The following POLA1 variants were observed in gnomAD, a reference collection of about 807,000 sequenced individuals.
POLA1 encodes DNA polymerase alpha 1, catalytic subunit.
A neutral mutation model predicts 124.0 loss-of-function variants in POLA1; 15 were observed. The observed-to-expected ratio is 0.12, with a 90% confidence interval of 0.08 to 0.19. The LOEUF (loss-of-function observed/expected upper bound fraction) is 0.19. Ranked by LOEUF, POLA1 falls within the 10% of genes least tolerant of loss-of-function variation. POLA1 has a pLI of 1.00. For synonymous variants in POLA1, 408 were observed against 389.4 expected (o/e 1.05, Z -0.56); for missense variants, 886 against 1,103.4 (o/e 0.80, Z 2.79).
At chrX:24,954,148 C>A (rs2048079083) in intron 36 of POLA1, among the ~76,000 whole-genome samples, 1 of 112,532 alleles carries the variant, frequency 8.9e-6, no homozygotes, top group African/African-American at 3.2e-5. Context: ...TCTCTTGGTA[C>A]ATTTGAAATA....
At chrX:24,809,607 G>C (rs1430717466) in intron 26 of POLA1, among the ~76,000 whole-genome samples, 5 of 111,592 alleles carry the variant, frequency 4.5e-5, no homozygotes, top group Non-Finnish European at 9.4e-5. Flanking sequence ...TTAAGTATTA[G>C]TAATGAGAAT....
chrX:24,988,588 T>C (rs1057131232), intron 36 of POLA1, among the ~76,000 whole-genome samples: 3 of 112,722 alleles, frequency 2.7e-5, no homozygotes, highest in African/African-American at 9.7e-5. Flanking sequence ...GGATATTGCA[T>C]GTCACCACAT....
intron 26 of POLA1, among the ~76,000 whole-genome samples, chrX:24,806,209 G>A (rs1283813757): frequency 9.6e-6 from 1 of 104,691 alleles, no homozygotes; most frequent in Non-Finnish European, 2.0e-5. Context: ...TTCCTCATTT[G>A]TCAGTTGGGA....
chrX:24,728,815 A>G (rs1395691952), intron 15 of POLA1, among the ~76,000 whole-genome samples: 1 of 111,954 alleles, frequency 8.9e-6, no homozygotes, highest in African/African-American at 3.2e-5. Flanking sequence ...AGCAGAATTG[A>G]GTAGTAACGG....
intron 26 of POLA1, among the ~76,000 whole-genome samples, chrX:24,793,450 G>C (rs1010017851): frequency 1.8e-5 from 2 of 111,241 alleles, no homozygotes; most frequent in African/African-American, 6.5e-5. Flanking sequence ...GCAGGAAAGA[G>C]ATGACATTGG....
intron 15 of POLA1, among the ~76,000 whole-genome samples, chrX:24,731,031 C>T (rs1479734808): frequency 8.9e-6 from 1 of 112,001 alleles, no homozygotes; most frequent in Non-Finnish European, 1.9e-5. Context: ...AATAATGGAT[C>T]TAGGAAGTGA....
chrX:24,877,016 C>A (rs1350758402), intron 34 of POLA1, among the ~76,000 whole-genome samples: 4 of 111,705 alleles, frequency 3.6e-5, no homozygotes, highest in Non-Finnish European at 7.5e-5. Context: ...TGCGAGTCGC[C>A]CTTGGTAACT....
chrX:24,995,128 C>T (rs1261238503), intron 36 of POLA1, among the ~76,000 whole-genome samples: 1 of 110,821 alleles, frequency 9.0e-6, no homozygotes, highest in Non-Finnish European at 1.9e-5. Context: ...GGAGAGGGGT[C>T]TTTTCTCTGG....
At chrX:24,785,480 A>G (rs138693089) in intron 26 of POLA1, among the ~76,000 whole-genome samples, 97 of 112,015 alleles carry the variant, frequency 8.7e-4, no homozygotes, top group African/African-American at 3.0e-3. Flanking sequence ...ATAGGTGAAG[A>G]AAATTGTGTG....
At chrX:24,960,393 T>C (rs964311046) in intron 36 of POLA1, among the ~76,000 whole-genome samples, 6 of 111,817 alleles carry the variant, frequency 5.4e-5, no homozygotes, top group African/African-American at 6.5e-5. Context: ...TATGTGTTAG[T>C]GGGCACTCTG....
chrX:24,857,102 T>C (rs190341204), intron 34 of POLA1, among the ~76,000 whole-genome samples: 1 of 112,264 alleles, frequency 8.9e-6, no homozygotes, highest in Admixed American at 9.4e-5. Flanking sequence ...AATTAATTTT[T>C]ATAAAGTTAG....
At chrX:24,819,833 TG>T (rs1186059025) in intron 30 of POLA1, among the ~76,000 whole-genome samples, 3 of 110,721 alleles carry the variant, frequency 2.7e-5, no homozygotes, top group Non-Finnish European at 3.8e-5. Context: ...CAGACCCCAG[TG>T]TGTGATGTTC....
rs1300460689 is a variant in POLA1 at position 24,969,515 on chromosome X, AT to A, written c.4262-26278del. On this transcript the variant is annotated intron_variant, in intron 36 of 36. Coordinates refer to ENST00000379068, the MANE Select transcript of POLA1 (RefSeq NM_001330360.2). ...GTTTGATTTCATACTCTTAACATTA[AT>A]TTTTTTTTTTTGCTGAAATCTCTGA... Among the ~76,000 whole-genome samples the A allele has an allele frequency of 1.7e-3, 180 of 104,521 alleles. 1 individual carries two copies. Among genetic ancestry groups the A allele is most frequent in the East Asian group, 4.4e-3 (15 of 3,374 alleles). The allele number at this position is 104,521 out of a possible 115,157, so 90.8% of individuals were successfully genotyped here.
intron 35 of POLA1, among the ~76,000 whole-genome samples, chrX:24,900,289 G>A (rs2047260300): frequency 1.8e-5 from 2 of 111,980 alleles, no homozygotes; most frequent in African/African-American, 6.5e-5. Flanking sequence ...GCTGAAATTA[G>A]AATTTATATT....
chrX:24,817,110 A>G (rs774140590), intron 30 of POLA1, among the ~76,000 whole-genome samples: 20 of 111,658 alleles, frequency 1.8e-4, no homozygotes, highest in African/African-American at 6.5e-4. Flanking sequence ...ACTGTGACTT[A>G]CTGTCTTTAT....
intron 34 of POLA1, among the ~76,000 whole-genome samples, chrX:24,881,823 T>G (rs1280970024): frequency 9.0e-6 from 1 of 111,670 alleles, no homozygotes; most frequent in Non-Finnish European, 1.9e-5. Flanking sequence ...TTCTCCAGCC[T>G]GTATAATGAT....
In POLA1 at chrX:24,771,853, T is replaced by C. The variant is rs761409172; in HGVS notation, c.2964+22861T>C. On this transcript the variant is annotated intron_variant, in intron 26 of 36. Transcript: ENST00000379068. Reference sequence around the variant, plus strand: ...TCATCCTAATGGTTTTTATTATTTTTTTCTGGTTATAAAATTAATACATGT... The same window carrying C: ...TCATCCTAATGGTTTTTATTATTTTCTTCTGGTTATAAAATTAATACATGT... Among the ~76,000 whole-genome samples the C allele has an allele frequency of 2.7e-5, 3 of 112,061 alleles. No homozygotes were observed. In the Admixed American group the frequency reaches 2.8e-4, roughly 11 times the overall value.
At chrX:24,741,122 T>TGC (rs1931614567) in intron 20 of POLA1, among the ~76,000 whole-genome samples, 1 of 75,637 alleles carries the variant, frequency 1.3e-5, no homozygotes, top group African/African-American at 3.9e-5. Flanking sequence ...ATTTTGTGTG[T>TGC]GTGTGTGTGT....
chrX:24,947,141 G>C (rs2047970775), intron 36 of POLA1, among the ~76,000 whole-genome samples: 1 of 105,709 alleles, frequency 9.5e-6, no homozygotes, highest in African/African-American at 3.4e-5. Context: ...AAGTTTGAAA[G>C]TCTAAAATCA....
Sources: allele counts gnomAD v4.1 joint callset (sites outside exome capture counted in the v4.1 genomes callset), GRCh38; gene constraint gnomAD v4.1.1; transcripts MANE v1.5; gene names NCBI Gene and HGNC (gene_info 2026-07-23, HGNC 2026-07-21).